The following PHF20 variants were observed in gnomAD, a reference collection of about 807,000 sequenced individuals.
The protein encoded by PHF20 is glioma-expressed antigen 2.
In PHF20, 23 loss-of-function variants were observed where a neutral mutation model predicts 113.5. That is an observed-to-expected ratio of 0.20 (90% CI 0.15 to 0.29). The LOEUF is 0.29. PHF20 is among the 10% of genes least tolerant of loss of function. The probability of loss-of-function intolerance (pLI) is 1.00; values close to 1 mark genes in which losing one functional copy is unlikely to be tolerated. For missense variants in PHF20, 943 were observed against 1,219.6 expected, an observed-to-expected ratio of 0.77 and a Z score of 3.38; for synonymous variants, 434 against 457.3, an observed-to-expected ratio of 0.95 and a Z score of 0.65.
intron 1 of PHF20, among the ~76,000 whole-genome samples, chr20:35,776,733 T>C (rs980672601): frequency 2.0e-5 from 3 of 152,188 alleles, no homozygotes; most frequent in African/African-American, 7.2e-5. Context: ...TGTCAGATCC[T>C]ATTCAGTAAC....
chr20:35,845,695 T>G (rs1365670809), intron 3 of PHF20, among the ~76,000 whole-genome samples: 1 of 152,094 alleles, frequency 6.6e-6, no homozygotes, highest in South Asian at 2.1e-4. Flanking sequence ...AGTTTTAAGG[T>G]TTTTAAACAG....
At chr20:35,791,149 G>T (rs1054053499) in intron 1 of PHF20, among the ~76,000 whole-genome samples, 22 of 152,148 alleles carry the variant, frequency 1.4e-4, no homozygotes, top group Admixed American at 4.6e-4. Flanking sequence ...GAGCCACCGC[G>T]TCCGGCCTGA....
rs538544715 is a variant in PHF20 at position 35,835,184 on chromosome 20, A to C, written c.84-7389A>C. Among the ~76,000 whole-genome samples the C allele has an allele frequency of 1.8e-3, 272 of 152,260 alleles. 1 individual carries two copies. The highest frequency in any genetic ancestry group is 6.3e-3 in the African/African-American group (261 of 41,540). On this transcript the variant is annotated intron_variant, in intron 2 of 17. Coordinates refer to ENST00000374012, the MANE Select transcript of PHF20 (RefSeq NM_016436.5). ...TAGCTACTCAGGAGGCTGAGGCAGG[A>C]GAATCGCTTAAACCTGGGAGTCAGA...
At position 35,931,419 on chromosome 20, in the gene PHF20, C is replaced by T; in HGVS notation, c.2275C>T (p.Leu759=). 1 of 1,613,194 alleles carries T rather than the reference C, an allele frequency of 6.2e-7. No homozygotes were observed. Residue 759 remains leucine (L), a synonymous_variant, in exon 15 of 18, where the codon CTG becomes TTG. Transcript: ENST00000374012. ...VQRVIEVLHG[L]QLKMSILQSR... is the part of the protein sequence containing the mutation. The stretch of plus-strand genomic sequence containing the variant: ...GAGAGTGATTGAGGTTCTGCATGGC[C>T]TGCAGCTCAAGATGAGCATCTTGCA...
intron 4 of PHF20, among the ~76,000 whole-genome samples, chr20:35,856,906 G>A (rs1239352152): frequency 6.6e-6 from 1 of 152,184 alleles, no homozygotes; most frequent in African/African-American, 2.4e-5. Context: ...AATTATTGGG[G>A]TCAGATTGTG....
At chr20:35,851,443 A>G (rs1210527832) in intron 4 of PHF20, among the ~76,000 whole-genome samples, 1 of 152,104 alleles carries the variant, frequency 6.6e-6, no homozygotes. Context: ...CTGATTCTAC[A>G]TTTGAAATGT....
chr20:35,872,772 C>G (rs2054445449), intron 9 of PHF20, among the ~76,000 whole-genome samples: 1 of 152,122 alleles, frequency 6.6e-6, no homozygotes, highest in Non-Finnish European at 1.5e-5. Context: ...TGTAGGATTT[C>G]AATCTTTTTA....
chr20:35,810,931 T>C (rs778475156), intron 2 of PHF20, among the ~76,000 whole-genome samples: 3 of 152,156 alleles, frequency 2.0e-5, no homozygotes, highest in South Asian at 2.1e-4. Flanking sequence ...TTATAGTAGA[T>C]AGTATTGCTG....
intron 6 of PHF20, 113 bp downstream of exon 6, chr20:35,863,513 G>A (rs1368422340): frequency 4.5e-6 from 5 of 1,115,938 alleles, no homozygotes; most frequent in Non-Finnish European, 5.1e-6. Flanking sequence ...GACTGATTTT[G>A]AATTGTCTTA....
intron 15 of PHF20, among the ~76,000 whole-genome samples, chr20:35,938,419 T>C (rs1463710415): frequency 6.6e-6 from 1 of 152,102 alleles, no homozygotes; most frequent in Non-Finnish European, 1.5e-5. Flanking sequence ...GTAGGAATGA[T>C]GCTGGTTGAG....
chr20:35,789,427 T>C (rs2041492552), intron 1 of PHF20, among the ~76,000 whole-genome samples: 1 of 118,456 alleles, frequency 8.4e-6, no homozygotes, highest in African/African-American at 3.2e-5. Flanking sequence ...CAAGACTCCA[T>C]CAAAAAAAAA....
rs185288233 is a variant in PHF20 at position 35,943,175 on chromosome 20, T to C, written c.2896+2128T>C. On this transcript the variant is annotated intron_variant, in intron 17 of 17. Transcript: ENST00000374012. The stretch of plus-strand genomic sequence containing the variant: ...TAAAATAGGAATTTGGATGTAACAT[T>C]CCTTTTTTAAAAAGCCGGCCTGCTT... 5.3e-3 allele frequency among the ~76,000 whole-genome samples: 809 copies of C among 152,068 alleles called. 8 individuals are homozygous for C. Among genetic ancestry groups the C allele is most frequent in the African/African-American group, 0.019 (776 of 41,450 alleles).
chr20:35,858,273 TA>T (rs1336566604), intron 4 of PHF20, 28 bp from the exon 5 acceptor site: 1 of 1,204,400 alleles, frequency 8.3e-7, no homozygotes, highest in Non-Finnish European at 1.2e-6. Flanking sequence ...AATTGTGAGT[TA>T]AAATCATGAT....
rs1400498315 is a variant in PHF20, at chr20:35,787,425, C to T, written c.-32-14066C>T. On this transcript the variant is annotated intron_variant, in intron 1 of 17. Coordinates refer to ENST00000374012, the MANE Select transcript of PHF20 (RefSeq NM_016436.5). ...AACTCCCGATCTCAGGTGATCTGCC[C>T]GCCTCCACCTCTCAAAGTGCTGGGA... Among the ~76,000 whole-genome samples, 5 of 151,580 alleles carry T rather than the reference C, an allele frequency of 3.3e-5. No homozygotes were observed. The East Asian group carries it at 7.8e-4, about 24-fold the overall frequency.
intron 14 of PHF20, among the ~76,000 whole-genome samples, chr20:35,928,371 G>A (rs947230835): frequency 4.7e-5 from 7 of 148,976 alleles, no homozygotes; most frequent in South Asian, 2.3e-4. Flanking sequence ...CCCAGGTGGC[G>A]GAGGTTGCAG....
At chr20:35,911,744 C>T (rs1017543405) in intron 10 of PHF20, among the ~76,000 whole-genome samples, 1 of 152,046 alleles carries the variant, frequency 6.6e-6, no homozygotes, top group Non-Finnish European at 1.5e-5. Flanking sequence ...CTGCAACCTC[C>T]GCCTCCCCGA....
chr20:35,946,519 G>T (rs2056086366), intron 17 of PHF20, among the ~76,000 whole-genome samples: 1 of 151,882 alleles, frequency 6.6e-6, no homozygotes, highest in Non-Finnish European at 1.5e-5. Context: ...TATCAATCAG[G>T]AATTAATATG....
At chr20:35,931,818 G>A (rs1344260174) in intron 15 of PHF20, among the ~76,000 whole-genome samples, 2 of 151,910 alleles carry the variant, frequency 1.3e-5, no homozygotes, top group African/African-American at 2.4e-5. Flanking sequence ...AGGCGTGCTG[G>A]TGTGCGCCTG....
intron 6 of PHF20, 82 bp downstream of exon 6, chr20:35,863,482 A>C: frequency 7.5e-7 from 1 of 1,329,222 alleles, no homozygotes; most frequent in Non-Finnish European, 1.0e-6. Context: ...TAACTTGTGT[A>C]CGTCAATCGT....
Sources: gnomAD v4.1 joint callset for allele counts (sites outside exome capture counted in the v4.1 genomes callset) on GRCh38, gnomAD v4.1.1 for gene constraint, MANE v1.5 for transcripts, NCBI Gene and HGNC (gene_info 2026-07-23, HGNC 2026-07-21) for gene names.